Variants in C12orf42 observed in about 807,000 individuals in gnomAD.
The protein encoded by C12orf42 is chromosome 12 open reading frame 42.
Under a neutral mutation model 21.6 loss-of-function variants are expected in C12orf42, and 25 were observed. The ratio of observed to expected loss-of-function variants is 1.16; its 90% confidence interval spans 0.84 to 1.62. The LOEUF (loss-of-function observed/expected upper bound fraction) is 1.62. Ranked by LOEUF, C12orf42 falls within the 40% of genes most tolerant of loss-of-function variation. The pLI is 0.00. For synonymous variants in C12orf42, 174 were observed against 175.0 expected (o/e 0.99, Z 0.05); for missense variants, 483 against 459.3 (o/e 1.05, Z -0.47).
the C12orf42 span, among the ~76,000 whole-genome samples, chr12:103,212,930 C>T: frequency 3.1e-4 from 47 of 152,016 alleles, no homozygotes; most frequent in African/African-American, 1.1e-3. Context: ...TAGATACACA[C>T]ACGCACTACA....
chr12:103,542,334 T>C, the C12orf42 span, among the ~76,000 whole-genome samples: 1 of 152,254 alleles, frequency 6.6e-6, no homozygotes, highest in South Asian at 2.1e-4. Flanking sequence ...TTGGAAATTC[T>C]AGATAAGCTG....
At chr12:103,147,650 C>CTTTTTTTTT in the C12orf42 span, among the ~76,000 whole-genome samples, 2 of 117,744 alleles carry the variant, frequency 1.7e-5, no homozygotes, top group East Asian at 2.6e-4. Flanking sequence ...TTGTAATGTA[C>CTTTTTTTTT]GACAGTAACT....
At chr12:103,280,343 T>G (rs2036029114) in intron 4 of C12orf42, among the ~76,000 whole-genome samples, 1 of 151,784 alleles carries the variant, frequency 6.6e-6, no homozygotes, top group African/African-American at 2.4e-5. Context: ...TGGGGCCGGG[T>G]GCGGTGGTTC....
chr12:103,390,167 C>G (rs2046952849), intron 3 of C12orf42, among the ~76,000 whole-genome samples: 1 of 152,056 alleles, frequency 6.6e-6, no homozygotes, highest in South Asian at 2.1e-4. Flanking sequence ...CTCCCTGCTC[C>G]CTTAGTCATG....
intron 10 of C12orf42, among the ~76,000 whole-genome samples, chr12:103,261,624 GAATTT>G (rs1231998444): frequency 4.6e-5 from 7 of 151,804 alleles, no homozygotes; most frequent in African/African-American, 1.2e-4. Context: ...TCTTCGAGTG[GAATTT>G]AATTTGTTTA....
chr12:103,330,900 G>A (rs1350827784), intron 4 of C12orf42, among the ~76,000 whole-genome samples: 1 of 152,156 alleles, frequency 6.6e-6, no homozygotes, highest in Non-Finnish European at 1.5e-5. Context: ...AAATGAAATT[G>A]AAGTCCGCTA....
chr12:103,211,177 A>G, the C12orf42 span, among the ~76,000 whole-genome samples: 1 of 152,162 alleles, frequency 6.6e-6, no homozygotes, highest in Non-Finnish European at 1.5e-5. Context: ...TATTTCTAAC[A>G]GAAGGTATAC....
the C12orf42 span, among the ~76,000 whole-genome samples, chr12:103,099,837 AT>A: frequency 6.6e-6 from 1 of 152,054 alleles, no homozygotes; most frequent in East Asian, 1.9e-4. Context: ...GACAACTTTC[AT>A]TTCTATGGAC....
At chr12:103,115,426 C>T in the C12orf42 span, among the ~76,000 whole-genome samples, 2,801 of 152,256 alleles carry the variant, frequency 0.018, 49 homozygotes, top group African/African-American at 0.047. Flanking sequence ...CTCTGTCACA[C>T]TAAAGTCAAA....
chr12:103,493,918 A>G (rs1400649402), intron 1 of C12orf42, among the ~76,000 whole-genome samples: 2 of 152,202 alleles, frequency 1.3e-5, no homozygotes, highest in Non-Finnish European at 2.9e-5. Context: ...TTCTAACTTC[A>G]TCTTCAAGAT....
the C12orf42 span, among the ~76,000 whole-genome samples, chr12:103,068,873 C>A: frequency 2.2e-5 from 3 of 138,484 alleles, no homozygotes; most frequent in South Asian, 4.6e-4. Context: ...AAACTCCTCT[C>A]TCTATATATA....
At chr12:103,228,301 T>G in the C12orf42 span, among the ~76,000 whole-genome samples, 1 of 147,862 alleles carries the variant, frequency 6.8e-6, no homozygotes, top group Non-Finnish European at 1.5e-5. Context: ...CGGGCAGGAG[T>G]GGGGGTCGCA....
At chr12:103,464,819 G>A (rs1430867646) in intron 2 of C12orf42, among the ~76,000 whole-genome samples, 2 of 152,120 alleles carry the variant, frequency 1.3e-5, no homozygotes, top group African/African-American at 2.4e-5. Flanking sequence ...TTATTAAATA[G>A]GGAATCCTTT....
chr12:103,218,819 T>C, the C12orf42 span, among the ~76,000 whole-genome samples: 199 of 152,310 alleles, frequency 1.3e-3, 1 homozygote, highest in African/African-American at 4.4e-3. Flanking sequence ...AGAATGAGAA[T>C]TGCAAAAAAT....
At chr12:103,143,632 A>G in the C12orf42 span, among the ~76,000 whole-genome samples, 1 of 152,224 alleles carries the variant, frequency 6.6e-6, no homozygotes, top group Non-Finnish European at 1.5e-5. Context: ...ATGAAAAGTC[A>G]CCTCTCATTT....
the C12orf42 span, among the ~76,000 whole-genome samples, chr12:103,204,535 G>T: frequency 2.6e-5 from 4 of 152,086 alleles, no homozygotes; most frequent in Non-Finnish European, 5.9e-5. Context: ...GTATTCAATG[G>T]TCAAAATGAA....
intron 4 of C12orf42, among the ~76,000 whole-genome samples, chr12:103,292,804 T>A (rs1482357810): frequency 6.6e-6 from 1 of 152,098 alleles, no homozygotes; most frequent in Non-Finnish European, 1.5e-5. Context: ...AAAGAAAATA[T>A]ATCCCTAAAT....
intron 5 of C12orf42, chr12:103,270,404 G>A (rs371860524): frequency 1.3e-5 from 2 of 151,556 alleles, no homozygotes; most frequent in East Asian, 1.9e-4. Flanking sequence ...GAGGAAAATT[G>A]TAAACACACT....
chr12:103,550,701 T>C, the C12orf42 span: 2 of 152,156 alleles, frequency 1.3e-5, no homozygotes, highest in African/African-American at 4.8e-5. Flanking sequence ...TTATTTCTAT[T>C]TCTTTGATAG....
Sources: gnomAD v4.1 joint callset for allele counts (sites outside exome capture counted in the v4.1 genomes callset) on GRCh38, gnomAD v4.1.1 for gene constraint, MANE v1.5 for transcripts, NCBI Gene and HGNC (gene_info 2026-07-23, HGNC 2026-07-21) for gene names.